Variants in CDCA4 observed in about 807,000 individuals in gnomAD.
The protein encoded by CDCA4 is cell division cycle associated 4, also known as cell division cycle-associated protein 4.
For missense variants in CDCA4, 294 were observed against 322.1 expected (o/e 0.91, Z 0.67); for synonymous variants, 130 against 137.0 (o/e 0.95, Z 0.36).
At chr14:105,018,685 G>C (rs1411906173) in intron 1 of CDCA4, among the ~76,000 whole-genome samples, 1 of 152,028 alleles carries the variant, frequency 6.6e-6, no homozygotes, top group Non-Finnish European at 1.5e-5. Context: ...TATGGAATGA[G>C]AAAGGGCCCT....
At chr14:105,019,164 C>T (rs905295653) in intron 1 of CDCA4, among the ~76,000 whole-genome samples, 3 of 152,174 alleles carry the variant, frequency 2.0e-5, no homozygotes, top group African/African-American at 7.2e-5. Context: ...GCTTCTAAAC[C>T]AAGCACCGAC....
chr14:105,010,143 CCATG>C lies in CDCA4; in HGVS notation c.*1057_*1060del, dbSNP rs952124377. 7 of 152,764 alleles carry C rather than the reference CCATG, an allele frequency of 4.6e-5. No homozygotes were observed. The highest frequency in any genetic ancestry group is 1.7e-4 in the African/African-American group (7 of 41,570). 9.5% of individuals were successfully genotyped at this position (152,764 alleles called of 1,614,324 possible). A position where few individuals can be genotyped will look rare whatever the true frequency, so the allele number is the denominator to read the frequency against. On this transcript the variant is annotated 3_prime_UTR_variant, in exon 2 of 2. Coordinates refer to ENST00000336219, the MANE Select transcript of CDCA4 (RefSeq NM_017955.4). ...GCTCACTCCCTGCCTGCGGCAGCAC[CCATG>C]ACACTACAGATCAAGGGGTTATGAA...
chr14:105,011,126 G>A lies in CDCA4; in HGVS notation c.*78C>T, dbSNP rs1280006585. 36 of 1,483,540 alleles carry A rather than the reference G, an allele frequency of 2.4e-5. No homozygotes were observed. Among genetic ancestry groups the A allele is most frequent in the African/African-American group, 8.5e-5 (6 of 70,656 alleles). The allele number at this position is 1,483,540 out of a possible 1,614,324, so 91.9% of individuals were successfully genotyped here. ...AGGGCAGCAAGGCTGGGCCGCTGGC[G>A]GCAGGCGCACCCTCCGTGGGAGCCA... On this transcript the variant is annotated 3_prime_UTR_variant, in exon 2 of 2. Coordinates refer to ENST00000336219, the MANE Select transcript of CDCA4 (RefSeq NM_017955.4).
intron 1 of CDCA4, among the ~76,000 whole-genome samples, chr14:105,020,482 T>C (rs1221353927): frequency 1.3e-5 from 2 of 152,180 alleles, no homozygotes; most frequent in African/African-American, 4.8e-5. Flanking sequence ...CTTTCCCTAG[T>C]CCCACCTCGC....
rs757606420 is a variant in CDCA4 at position 105,011,832 on chromosome 14, T to C, written c.98A>G (p.Gln33Arg). ...AGACATGTCCAGGAGCGACTGCCGC[T>C]GCAGGCTGTATGAGGACACTGTCTT... ...GLKTVSSYSL[Q>R]RQSLLDMSLV... Residue 33 changes from glutamine to arginine, a missense_variant, in exon 2 of 2, where the codon CAG becomes CGG. Gln to Arg is a conservative substitution (Grantham distance 43). Transcript: ENST00000336219. The C allele has an allele frequency of 5.0e-6, 8 of 1,613,916 alleles. No individual in the cohort carries two copies. The highest frequency in any genetic ancestry group is 6.8e-6 in the Non-Finnish European group (8 of 1,180,040).
chr14:105,016,779 G>C (rs1316340532), intron 1 of CDCA4, among the ~76,000 whole-genome samples: 1 of 152,244 alleles, frequency 6.6e-6, no homozygotes, highest in Non-Finnish European at 1.5e-5. Flanking sequence ...CCCTTCTGAG[G>C]TTGGCTTTTC....
intron 1 of CDCA4, among the ~76,000 whole-genome samples, chr14:105,015,796 C>T (rs1900636556): frequency 6.6e-6 from 1 of 152,216 alleles, no homozygotes. Context: ...TCCCGAGTAG[C>T]TGGGATTACA....
chr14:105,018,850 C>A (rs1431848753), intron 1 of CDCA4, among the ~76,000 whole-genome samples: 1 of 152,030 alleles, frequency 6.6e-6, no homozygotes, highest in Non-Finnish European at 1.5e-5. Context: ...GATTCTCCTA[C>A]CTCAGCCTCC....
intron 1 of CDCA4, among the ~76,000 whole-genome samples, chr14:105,020,568 CTCTCCGCGGCCG>C (rs1229409052): frequency 3.9e-5 from 6 of 152,228 alleles, no homozygotes; most frequent in African/African-American, 1.4e-4. Context: ...ATCCGCGGCC[CTCTCCGCGGCCG>C]GGCTCCGACA....
chr14:105,011,837 G>A lies in CDCA4; in HGVS notation c.93C>T (p.Ser31=). 6.2e-7 allele frequency: 1 copy of A among 1,613,922 alleles called. No homozygotes were observed. Residue 31 remains serine (S), a synonymous_variant, in exon 2 of 2, where the codon AGC becomes AGT. Transcript: ENST00000336219. ...LAGLKTVSSY[S]LQRQSLLDMS... ...TGTCCAGGAGCGACTGCCGCTGCAG[G>A]CTGTATGAGGACACTGTCTTCAAGC...
chr14:105,020,597 G>A (rs8008984), intron 1 of CDCA4, among the ~76,000 whole-genome samples: 37,376 of 152,022 alleles, frequency 0.25, 7,072 homozygotes, highest in African/African-American at 0.53. Flanking sequence ...GACAGAGGGG[G>A]CTGCGGCGCG....
At chr14:105,013,204 T>C (rs4075085) in intron 1 of CDCA4, among the ~76,000 whole-genome samples, 3 of 150,226 alleles carry the variant, frequency 2.0e-5, no homozygotes, top group Non-Finnish European at 4.4e-5. Flanking sequence ...CAAACTGTTT[T>C]TTTTTTTTTT....
Position 105,010,843 on chromosome 14 carries a change from A to G in CDCA4, c.*361T>C, listed in dbSNP as rs34252654. The G allele has an allele frequency of 0.19, 47,968 of 247,290 alleles. 7,220 individuals carry two copies. The highest frequency in any genetic ancestry group is 0.47 in the African/African-American group (21,182 of 44,724). The allele number at this position is 247,290 out of a possible 1,614,324, so 15.3% of individuals were successfully genotyped here. A position where few individuals can be genotyped will look rare whatever the true frequency, so the allele number is the denominator to read the frequency against. On this transcript the variant is annotated 3_prime_UTR_variant, in exon 2 of 2. Coordinates refer to ENST00000336219, the MANE Select transcript of CDCA4 (RefSeq NM_017955.4). ...TATATCTTAAGACAAAATACTGCCCAAAACATGTAAAACTGAATTGTAAAA... is the reference window on the plus strand; with the variant it reads ...TATATCTTAAGACAAAATACTGCCCGAAACATGTAAAACTGAATTGTAAAA...
Position 105,011,050 on chromosome 14 carries a change from T to C in CDCA4, c.*154A>G. 3 of 913,546 alleles carry C rather than the reference T, an allele frequency of 3.3e-6. No homozygotes were observed. The highest frequency in any genetic ancestry group is 4.8e-6 in the Non-Finnish European group (3 of 623,104). The allele number at this position is 913,546 out of a possible 1,614,324, so 56.6% of individuals were successfully genotyped here. A position where few individuals can be genotyped will look rare whatever the true frequency, so the allele number is the denominator to read the frequency against. On this transcript the variant is annotated 3_prime_UTR_variant, in exon 2 of 2. Transcript: ENST00000336219. ...GAGGTGAGTGGGACGGGCCTAGGGC[T>C]GCAGCCCCACTGGTAATGGGCTGTT...
Position 105,009,901 on chromosome 14 carries a change from G to A in CDCA4, c.*1303C>T, listed in dbSNP as rs1361732883. ...GATCCTGCAGAAAGGTTGCTGGAGG[G>A]TCAGGCCGTGGTCGTAACTAACACC... On this transcript the variant is annotated 3_prime_UTR_variant, in exon 2 of 2. Transcript: ENST00000336219. 1.3e-5 allele frequency: 2 copies of A among 152,182 alleles called. No individual in the cohort carries two copies. Among genetic ancestry groups the A allele is most frequent in the Non-Finnish European group, 2.9e-5 (2 of 68,044 alleles). The allele number at this position is 152,182 out of a possible 1,614,324, so 9.4% of individuals were successfully genotyped here.
intron 1 of CDCA4, among the ~76,000 whole-genome samples, chr14:105,018,563 CAA>C (rs927136693): frequency 9.9e-5 from 15 of 152,068 alleles, no homozygotes; most frequent in Admixed American, 7.2e-4. Context: ...GTGTTTGGGA[CAA>C]AGTCAGCAAG....
In CDCA4 at chr14:105,009,993, A is replaced by G. The variant is rs1900453613; in HGVS notation, c.*1211T>C. 6.6e-6 allele frequency: 1 copy of G among 152,304 alleles called. No individual in the cohort carries two copies. Among genetic ancestry groups the G allele is most frequent in the African/African-American group, 2.4e-5 (1 of 41,458 alleles). 9.4% of individuals were successfully genotyped at this position (152,304 alleles called of 1,614,324 possible). ...AGGTTTACATCACTGATATTTAAGA[A>G]TGGCTATATGCACAAAAGAAAACAC... On this transcript the variant is annotated 3_prime_UTR_variant, in exon 2 of 2. Transcript: ENST00000336219.
At chr14:105,012,026 G>T (rs148556426) in intron 1 of CDCA4, 91 bp from the exon 2 acceptor site, 20 of 1,419,102 alleles carry the variant, frequency 1.4e-5, no homozygotes, top group Non-Finnish European at 1.9e-5. Flanking sequence ...CTCACTGTAC[G>T]CAAGGAGCAG....
chr14:105,020,019 G>A (rs137974789), intron 1 of CDCA4, among the ~76,000 whole-genome samples: 1 of 152,272 alleles, frequency 6.6e-6, no homozygotes, highest in African/African-American at 2.4e-5. Context: ...CCAATTGCAG[G>A]TACTTTTGTT....
Sources: gnomAD v4.1 joint callset for allele counts (sites outside exome capture counted in the v4.1 genomes callset) on GRCh38, gnomAD v4.1.1 for gene constraint, MANE v1.5 for transcripts, NCBI Gene and HGNC (gene_info 2026-07-23, HGNC 2026-07-21) for gene names.